Variants in HSD17B12 observed in about 807,000 individuals in gnomAD.
HSD17B12 encodes the protein very-long-chain 3-oxoacyl-CoA reductase.
Under a neutral mutation model 39.3 loss-of-function variants are expected in HSD17B12, and 32 were observed. The ratio of observed to expected loss-of-function variants is 0.81; its 90% CI spans 0.61 to 1.09. The LOEUF (loss-of-function observed/expected upper bound fraction) is 1.09. Ranked by LOEUF, HSD17B12 falls within the 50% of genes least tolerant of loss-of-function variation. HSD17B12 has a pLI of 0.00. For synonymous variants in HSD17B12, 150 were observed against 146.7 expected, an observed-to-expected ratio of 1.02 and a Z score of -0.16; for missense variants, 342 against 382.9, an observed-to-expected ratio of 0.89 and a Z score of 0.89.
At chr11:43,846,203 A>G (rs1174317218) in intron 9 of HSD17B12, among the ~76,000 whole-genome samples, 1 of 152,256 alleles carries the variant, frequency 6.6e-6, no homozygotes, top group Non-Finnish European at 1.5e-5. Flanking sequence ...AAGTGATGTG[A>G]GATAAAAGCA....
At chr11:43,634,107 A>AAAAAAAAAAAAAC in the HSD17B12 span, among the ~76,000 whole-genome samples, 1 of 138,392 alleles carries the variant, frequency 7.2e-6, no homozygotes, top group Non-Finnish European at 1.6e-5. Flanking sequence ...AAAAAAAAAA[A>AAAAAAAAAAAAAC]AAGAAAGACA....
At chr11:43,578,182 G>A in the HSD17B12 span, among the ~76,000 whole-genome samples, 2 of 152,196 alleles carry the variant, frequency 1.3e-5, no homozygotes, top group African/African-American at 4.8e-5. Context: ...TTGTGTACGT[G>A]CAGGAATATT....
chr11:43,634,961 T>G, the HSD17B12 span, among the ~76,000 whole-genome samples: 1 of 152,210 alleles, frequency 6.6e-6, no homozygotes, highest in African/African-American at 2.4e-5. Flanking sequence ...TTAGCTTTGT[T>G]GGTGTGATAA....
intron 3 of HSD17B12, among the ~76,000 whole-genome samples, chr11:43,788,567 C>T (rs1439483354): frequency 2.6e-5 from 4 of 151,848 alleles, no homozygotes; most frequent in Non-Finnish European, 5.9e-5. Context: ...TCTCTCTCTC[C>T]ATGGGACCCT....
At chr11:43,741,976 T>G (rs1466883342) in intron 1 of HSD17B12, among the ~76,000 whole-genome samples, 2 of 150,446 alleles carry the variant, frequency 1.3e-5, no homozygotes, top group African/African-American at 2.4e-5. Context: ...CCTCATGATC[T>G]GCCTGCCTCG....
At chr11:43,656,190 C>T in the HSD17B12 span, among the ~76,000 whole-genome samples, 4 of 152,254 alleles carry the variant, frequency 2.6e-5, no homozygotes, top group South Asian at 2.1e-4. Context: ...AGTTTATTTG[C>T]GTAGAGGTGT....
chr11:43,699,539 A>G (rs1423403777), intron 1 of HSD17B12, among the ~76,000 whole-genome samples: 1 of 152,222 alleles, frequency 6.6e-6, no homozygotes, highest in African/African-American at 2.4e-5. Context: ...TCTTCTAGTA[A>G]TTTTAGCTCC....
At chr11:43,843,655 C>A (rs1951447671) in intron 9 of HSD17B12, among the ~76,000 whole-genome samples, 1 of 152,240 alleles carries the variant, frequency 6.6e-6, no homozygotes, top group Non-Finnish European at 1.5e-5. Context: ...GTTCTTCTCA[C>A]TGTATCTCCT....
intron 1 of HSD17B12, among the ~76,000 whole-genome samples, chr11:43,696,363 T>C (rs934896758): frequency 3.3e-5 from 5 of 152,206 alleles, no homozygotes; most frequent in Non-Finnish European, 1.5e-5. Context: ...GCAAAGGATA[T>C]GAACAGACAC....
chr11:43,710,464 A>G (rs1169954071), intron 1 of HSD17B12, among the ~76,000 whole-genome samples: 1 of 152,220 alleles, frequency 6.6e-6, no homozygotes, highest in African/African-American at 2.4e-5. Context: ...GAGCGAACTC[A>G]CTTTTAGAAA....
the HSD17B12 span, among the ~76,000 whole-genome samples, chr11:43,656,137 A>G: frequency 6.6e-6 from 1 of 151,784 alleles, no homozygotes; most frequent in African/African-American, 2.4e-5. Context: ...GTCTTGGGAG[A>G]GTGTATGTGT....
the HSD17B12 span, among the ~76,000 whole-genome samples, chr11:43,557,953 T>TCAGAGATC: frequency 5.3e-5 from 8 of 151,984 alleles, no homozygotes; most frequent in East Asian, 1.5e-3. Context: ...TTCTATGAGG[T>TCAGAGATC]CAGAGATCGT....
chr11:43,772,669 T>G (rs894923880), intron 3 of HSD17B12, among the ~76,000 whole-genome samples: 1 of 152,336 alleles, frequency 6.6e-6, no homozygotes, highest in South Asian at 2.1e-4. Flanking sequence ...TAGCTTGTGA[T>G]CCAGTATGAA....
At chr11:43,576,304 C>T in the HSD17B12 span, among the ~76,000 whole-genome samples, 1 of 152,070 alleles carries the variant, frequency 6.6e-6, no homozygotes, top group Admixed American at 6.5e-5. Flanking sequence ...GAGGAGGGGG[C>T]GTTTAATGCA....
chr11:43,609,015 C>T, the HSD17B12 span, among the ~76,000 whole-genome samples: 1 of 152,034 alleles, frequency 6.6e-6, no homozygotes, highest in Non-Finnish European at 1.5e-5. Context: ...GCCTCGACCT[C>T]CTTGGGCTCA....
intron 1 of HSD17B12, chr11:43,734,122 C>T: frequency 7.4e-7 from 1 of 1,350,298 alleles, no homozygotes; most frequent in Non-Finnish European, 1.1e-6. Context: ...CCGTCCATCA[C>T]TACCAAATCA....
intron 1 of HSD17B12, among the ~76,000 whole-genome samples, chr11:43,732,470 C>T (rs1950278034): frequency 7.0e-6 from 1 of 142,622 alleles, no homozygotes; most frequent in African/African-American, 2.6e-5. Context: ...AGCGGTGGAT[C>T]TTTTTTTTTT....
At chr11:43,800,309 C>G (rs1448704231) in intron 4 of HSD17B12, among the ~76,000 whole-genome samples, 1 of 152,186 alleles carries the variant, frequency 6.6e-6, no homozygotes, top group Non-Finnish European at 1.5e-5. Flanking sequence ...TGAAAAAAGA[C>G]TGAGGGAGAA....
intron 8 of HSD17B12, among the ~76,000 whole-genome samples, chr11:43,839,611 T>C (rs1951405563): frequency 6.6e-6 from 1 of 152,142 alleles, no homozygotes; most frequent in Non-Finnish European, 1.5e-5. Context: ...AAAATCCCCA[T>C]AGAACAGAGT....
Sources: gnomAD v4.1 joint callset for allele counts (sites outside exome capture counted in the v4.1 genomes callset) on GRCh38, gnomAD v4.1.1 for gene constraint, MANE v1.5 for transcripts, NCBI Gene and HGNC (gene_info 2026-07-23, HGNC 2026-07-21) for gene names.